The following STAT5B variants were observed in gnomAD, a reference collection of about 807,000 sequenced individuals.
STAT5B encodes signal transducer and activator of transcription 5B.
STAT5B carries 21 observed loss-of-function variants against 107.8 expected under a neutral mutation model. The observed-to-expected ratio is 0.19, with a 90% CI of 0.14 to 0.28. The LOEUF (loss-of-function observed/expected upper bound fraction) is 0.28, where lower values mean the gene tolerates loss of function less well. Ranked by LOEUF, STAT5B falls within the 10% of genes least tolerant of loss-of-function variation. The probability of loss-of-function intolerance (pLI) is 1.00; values close to 1 mark genes in which losing one functional copy is unlikely to be tolerated. For synonymous variants in STAT5B, 325 were observed against 401.7 expected (o/e 0.81, Z 2.28); for missense variants, 565 against 1,008.2 (o/e 0.56, Z 5.95).
chr17:42,273,452 C>T (rs554841267), intron 1 of STAT5B, among the ~76,000 whole-genome samples: 54 of 152,240 alleles, frequency 3.5e-4, no homozygotes, highest in African/African-American at 1.3e-3. Context: ...TGCCAGATAG[C>T]TTTTTAAACG....
chr17:42,216,163 CT>C, intron 11 of STAT5B, 57 bp from the exon 12 acceptor site: 1 of 1,429,804 alleles, frequency 7.0e-7, no homozygotes, highest in Non-Finnish European at 9.5e-7. Flanking sequence ...TTCTCCTTCT[CT>C]CTTTTTTTTT....
intron 1 of STAT5B, among the ~76,000 whole-genome samples, chr17:42,259,686 C>T (rs2144386858): frequency 6.6e-6 from 1 of 151,902 alleles, no homozygotes; most frequent in East Asian, 1.9e-4. Flanking sequence ...ACTTGGGAGG[C>T]TGAGGCAGGA....
chr17:42,202,036 A>G (rs2080048658), intron 18 of STAT5B, 172 bp from the exon 19 acceptor site: 3 of 672,468 alleles, frequency 4.5e-6, no homozygotes, highest in Non-Finnish European at 7.8e-6. Flanking sequence ...TCAGACTGAA[A>G]TACCCTCCCC....
intron 1 of STAT5B, among the ~76,000 whole-genome samples, chr17:42,275,817 C>T (rs2080760187): frequency 6.6e-6 from 1 of 151,952 alleles, no homozygotes; most frequent in Non-Finnish European, 1.5e-5. Flanking sequence ...TCCCCGGAGT[C>T]CCGGGAACCT....
chr17:42,274,113 G>A (rs1370452499), intron 1 of STAT5B, among the ~76,000 whole-genome samples: 1 of 151,708 alleles, frequency 6.6e-6, no homozygotes, highest in East Asian at 1.9e-4. Flanking sequence ...ATATCCCGTG[G>A]GCAAAAAATA....
At position 42,219,849 on chromosome 17, in the gene STAT5B, G is replaced by A. The variant is rs762637737; in HGVS notation, c.551-7C>T. 1 of 1,614,200 alleles carries A rather than the reference G, an allele frequency of 6.2e-7. No homozygotes were observed. The highest frequency in any genetic ancestry group is 1.1e-5 in the South Asian group (1 of 91,086). Reference sequence around the variant, plus strand: ...GCCAGCGGGCCAAACTGAGCTAGAGGAGGGGAGAGGAAACCATGACCATCA... The same window carrying A: ...GCCAGCGGGCCAAACTGAGCTAGAGAAGGGGAGAGGAAACCATGACCATCA... On this transcript the variant is annotated splice_region_variant and splice_polypyrimidine_tract_variant and intron_variant, in intron 5 of 18. Coordinates refer to ENST00000293328, the MANE Select transcript of STAT5B (RefSeq NM_012448.4).
chr17:42,201,476 C>T lies in STAT5B; in HGVS notation c.*262G>A, dbSNP rs948694789. 2 of 612,072 alleles carry T rather than the reference C, an allele frequency of 3.3e-6. No homozygotes were observed. Among genetic ancestry groups the T allele is most frequent in the Admixed American group, 2.6e-5 (1 of 38,292 alleles). The allele number at this position is 612,072 out of a possible 1,614,324, so 37.9% of individuals were successfully genotyped here. A position where few individuals can be genotyped will look rare whatever the true frequency, so the allele number is the denominator to read the frequency against. ...TCTGTCTGTGGCCCCTCTGCTACAACTAAACTCTCAGACAGTGAGAGGGAG... is the reference window on the plus strand; with the variant it reads ...TCTGTCTGTGGCCCCTCTGCTACAATTAAACTCTCAGACAGTGAGAGGGAG... On this transcript the variant is annotated 3_prime_UTR_variant, in exon 19 of 19. Coordinates refer to ENST00000293328, the MANE Select transcript of STAT5B (RefSeq NM_012448.4).
chr17:42,248,120 TTTACAAATTA>T (rs2080467396), intron 1 of STAT5B, among the ~76,000 whole-genome samples: 1 of 150,564 alleles, frequency 6.6e-6, no homozygotes, highest in Non-Finnish European at 1.5e-5. Context: ...CTACAAAAAA[TTTACAAATTA>T]GCCCAGTGTG....
intron 3 of STAT5B, among the ~76,000 whole-genome samples, chr17:42,225,679 T>C (rs1250957611): frequency 2.0e-5 from 3 of 152,226 alleles, no homozygotes; most frequent in Non-Finnish European, 2.9e-5. Context: ...GCTTATACTA[T>C]CTAATACAAA....
the STAT5B span, among the ~76,000 whole-genome samples, chr17:42,282,858 A>G: frequency 5.3e-5 from 8 of 152,200 alleles, no homozygotes; most frequent in South Asian, 2.1e-4. Flanking sequence ...CAAGGGAGGA[A>G]TGACATTCCA....
chr17:42,279,304 T>C (rs2080785550), upstream of STAT5B, among the ~76,000 whole-genome samples: 1 of 152,196 alleles, frequency 6.6e-6, no homozygotes, highest in South Asian at 2.1e-4. Context: ...ATAGAGACAG[T>C]ACCTACCTCA....
At chr17:42,262,511 C>A (rs1394668953) in intron 1 of STAT5B, among the ~76,000 whole-genome samples, 2 of 151,834 alleles carry the variant, frequency 1.3e-5, no homozygotes, top group East Asian at 3.9e-4. Context: ...ATTTCCTTTA[C>A]CAGATATTCC....
intron 1 of STAT5B, among the ~76,000 whole-genome samples, chr17:42,267,278 C>T (rs1057470915): frequency 4.1e-5 from 6 of 147,522 alleles, no homozygotes; most frequent in Admixed American, 1.3e-4. Flanking sequence ...GAGTGTACTC[C>T]TTCTACTTAA....
intron 18 of STAT5B, chr17:42,202,124 G>T: frequency 1.5e-6 from 1 of 653,070 alleles, no homozygotes; most frequent in African/African-American, 1.8e-5. Flanking sequence ...TCCATATTGA[G>T]AGAGGGGAAC....
chr17:42,202,238 T>C, intron 18 of STAT5B, 102 bp downstream of exon 18: 2 of 1,379,974 alleles, frequency 1.4e-6, no homozygotes, highest in Non-Finnish European at 2.0e-6. Context: ...GTCTCAGACC[T>C]AGAGGAGCTC....
rs1243899931 is a variant in STAT5B, at chr17:42,201,403, T to C, written c.*335A>G. 1.7e-6 allele frequency: 1 copy of C among 596,100 alleles called. No individual in the cohort carries two copies. Among genetic ancestry groups the C allele is most frequent in the Admixed American group, 3.0e-5 (1 of 33,616 alleles). The allele number at this position is 596,100 out of a possible 1,614,324, so 36.9% of individuals were successfully genotyped here. A position where few individuals can be genotyped will look rare whatever the true frequency, so the allele number is the denominator to read the frequency against. ...TAAGACACATGGCCAACTTCCAGGC[T>C]TCACGAAACTCACTGCCTTTTTGCA... On this transcript the variant is annotated 3_prime_UTR_variant, in exon 19 of 19. Coordinates refer to ENST00000293328, the MANE Select transcript of STAT5B (RefSeq NM_012448.4).
At chr17:42,284,976 G>A in the STAT5B span, among the ~76,000 whole-genome samples, 61 of 152,312 alleles carry the variant, frequency 4.0e-4, no homozygotes, top group African/African-American at 1.4e-3. Flanking sequence ...AATGTGCCTT[G>A]ATGTAGTTCA....
chr17:42,280,861 G>A (rs1036581604), upstream of STAT5B, among the ~76,000 whole-genome samples: 14 of 152,254 alleles, frequency 9.2e-5, no homozygotes, highest in South Asian at 4.1e-4. Flanking sequence ...TTGGCCGGGC[G>A]CGGTGGCTCA....
Position 42,223,371 on chromosome 17 carries a change from C to A in STAT5B, c.550+11G>T, listed in dbSNP as rs1438750375. 3.7e-6 allele frequency: 6 copies of A among 1,614,062 alleles called. No individual in the cohort carries two copies. The highest frequency in any genetic ancestry group is 5.1e-6 in the Non-Finnish European group (6 of 1,180,048). ...CCTCAAGTTGCACAATGTGCCTCCACCGCGCCTCACCTTGGATCCTCAGGC... is the reference window on the plus strand; with the variant it reads ...CCTCAAGTTGCACAATGTGCCTCCAACGCGCCTCACCTTGGATCCTCAGGC... On this transcript the variant is annotated intron_variant, in intron 5 of 18. Coordinates refer to ENST00000293328, the MANE Select transcript of STAT5B (RefSeq NM_012448.4).
Sources: gnomAD v4.1 joint callset for allele counts (sites outside exome capture counted in the v4.1 genomes callset) on GRCh38, gnomAD v4.1.1 for gene constraint, MANE v1.5 for transcripts, NCBI Gene and HGNC (gene_info 2026-07-23, HGNC 2026-07-21) for gene names.